The following FANCL variants were observed in gnomAD, a reference collection of about 807,000 sequenced individuals.
FANCL encodes FA complementation group L.
FANCL carries 69 observed loss-of-function variants against 59.4 expected under a neutral mutation model. The ratio of observed to expected loss-of-function variants is 1.16; its 90% CI spans 0.96 to 1.42. The LOEUF (loss-of-function observed/expected upper bound fraction) is 1.42, where lower values mean the gene tolerates loss of function less well. Ranked by LOEUF, FANCL falls within the 40% of genes most tolerant of loss-of-function variation. The pLI is 0.00. For synonymous variants in FANCL, 180 were observed against 147.1 expected, an observed-to-expected ratio of 1.22 and a Z score of -1.62; for missense variants, 519 against 447.2, an observed-to-expected ratio of 1.16 and a Z score of -1.45.
At chr2:58,161,669 A>G in intron 11 of FANCL, 31 bp from the exon 12 acceptor site, 2 of 1,407,636 alleles carry the variant, frequency 1.4e-6, no homozygotes, top group Non-Finnish European at 2.0e-6. Flanking sequence ...TAAAAAGCGT[A>G]TGTGTCTCAC....
chr2:58,236,689 T>C (rs1416041053), intron 1 of FANCL, among the ~76,000 whole-genome samples: 3 of 151,962 alleles, frequency 2.0e-5, no homozygotes, highest in Admixed American at 6.6e-5. Flanking sequence ...GCAATGACTA[T>C]CATATTGCAT....
intron 3 of FANCL, 91 bp downstream of exon 3, chr2:58,229,723 A>C: frequency 2.1e-6 from 2 of 966,696 alleles, no homozygotes; most frequent in Non-Finnish European, 3.3e-6. Context: ...CCAGTTTGTT[A>C]CAACATTGTG....
intron 1 of FANCL, among the ~76,000 whole-genome samples, chr2:58,238,523 A>C (rs975908908): frequency 1.3e-5 from 2 of 152,218 alleles, no homozygotes; most frequent in African/African-American, 4.8e-5. Flanking sequence ...TAAGCCAATA[A>C]AATCAGAAAC....
chr2:58,164,053 A>C (rs1445548965), intron 8 of FANCL, among the ~76,000 whole-genome samples: 2 of 152,040 alleles, frequency 1.3e-5, no homozygotes, highest in Admixed American at 1.3e-4. Context: ...TAATTTAACA[A>C]AAGATTTCAT....
intron 13 of FANCL, 103 bp from the exon 14 acceptor site, chr2:58,159,903 T>C: frequency 6.4e-7 from 1 of 1,554,196 alleles, no homozygotes; most frequent in South Asian, 1.2e-5. Context: ...TAGTACAGTT[T>C]GGAAAACACT....
At chr2:58,163,765 A>G (rs1685562008) in intron 8 of FANCL, among the ~76,000 whole-genome samples, 1 of 152,012 alleles carries the variant, frequency 6.6e-6, no homozygotes, top group Non-Finnish European at 1.5e-5. Flanking sequence ...TTAGATTGCA[A>G]TTCTGGTCAA....
At chr2:58,182,331 A>T (rs1688012108) in intron 7 of FANCL, among the ~76,000 whole-genome samples, 1 of 151,826 alleles carries the variant, frequency 6.6e-6, no homozygotes, top group Non-Finnish European at 1.5e-5. Flanking sequence ...AGTGATTCTA[A>T]TGTGCAGATA....
chr2:58,200,998 T>C (rs1477543947), intron 6 of FANCL, among the ~76,000 whole-genome samples: 2 of 150,976 alleles, frequency 1.3e-5, no homozygotes, highest in African/African-American at 4.9e-5. Context: ...CACATAACAG[T>C]ACAGAGCTTA....
intron 3 of FANCL, among the ~76,000 whole-genome samples, chr2:58,228,006 C>T (rs1693200903): frequency 6.6e-6 from 1 of 151,952 alleles, no homozygotes; most frequent in Non-Finnish European, 1.5e-5. Context: ...AATCAGGCAA[C>T]TCTATGTAAT....
chr2:58,176,212 C>A (rs1202637127), intron 7 of FANCL, among the ~76,000 whole-genome samples: 6 of 152,116 alleles, frequency 3.9e-5, no homozygotes, highest in African/African-American at 9.7e-5. Flanking sequence ...GCCCAACGTA[C>A]TTTATAGATT....
chr2:58,213,679 G>A (rs1218827225), intron 5 of FANCL: 1 of 149,070 alleles, frequency 6.7e-6, no homozygotes, highest in African/African-American at 2.5e-5. Context: ...TGTGAGACTC[G>A]CCTGGGCAAT....
At chr2:58,215,658 G>A (rs1304988027) in intron 5 of FANCL, among the ~76,000 whole-genome samples, 2 of 149,474 alleles carry the variant, frequency 1.3e-5, no homozygotes, top group African/African-American at 2.5e-5. Flanking sequence ...GGCAAGAGAA[G>A]AAGGATCTGG....
chr2:58,217,294 AG>A (rs1691935512), intron 5 of FANCL, among the ~76,000 whole-genome samples: 1 of 145,638 alleles, frequency 6.9e-6, no homozygotes, highest in African/African-American at 2.5e-5. Context: ...ATAGTTCTGG[AG>A]GCCAGGGGTT....
intron 6 of FANCL, 56 bp downstream of exon 6, chr2:58,204,074 G>C: frequency 1.6e-6 from 2 of 1,279,238 alleles, no homozygotes; most frequent in Non-Finnish European, 2.3e-6. Flanking sequence ...AGCATTCACA[G>C]AGTTCATTTC....
chr2:58,177,547 C>G (rs1303637857), intron 7 of FANCL, among the ~76,000 whole-genome samples: 2 of 144,946 alleles, frequency 1.4e-5, no homozygotes, highest in East Asian at 4.1e-4. Context: ...AACCAAACAC[C>G]GCATATTCTC....
chr2:58,159,828 A>C, intron 13 of FANCL, 28 bp from the exon 14 acceptor site: 4 of 1,611,438 alleles, frequency 2.5e-6, no homozygotes, highest in Non-Finnish European at 2.5e-6. Flanking sequence ...ATTTTAACAA[A>C]GTTTGTGGAC....
intron 1 of FANCL, among the ~76,000 whole-genome samples, chr2:58,233,100 T>C (rs1230310478): frequency 6.6e-6 from 1 of 152,082 alleles, no homozygotes; most frequent in Non-Finnish European, 1.5e-5. Flanking sequence ...CTACTGACCT[T>C]TTCAAAAGGT....
chr2:58,216,535 C>T (rs951104981), intron 5 of FANCL, among the ~76,000 whole-genome samples: 1 of 152,008 alleles, frequency 6.6e-6, no homozygotes, highest in Admixed American at 6.6e-5. Flanking sequence ...GAATAGTTAC[C>T]TTATTGAGCA....
At chr2:58,166,755 C>G (rs1049540383) in intron 7 of FANCL, among the ~76,000 whole-genome samples, 10 of 152,128 alleles carry the variant, frequency 6.6e-5, no homozygotes, top group African/African-American at 2.4e-4. Context: ...ATGATACACC[C>G]TAAGATGAAA....
Sources: allele counts gnomAD v4.1 joint callset (sites outside exome capture counted in the v4.1 genomes callset), GRCh38; gene constraint gnomAD v4.1.1; transcripts MANE v1.5; gene names NCBI Gene and HGNC (gene_info 2026-07-23, HGNC 2026-07-21).